TDRD5: variants seen among roughly 807,000 people sequenced by gnomAD.
TDRD5 encodes tudor domain-containing protein 5.
A neutral mutation model predicts 120.6 loss-of-function variants in TDRD5; 41 were observed. The ratio of observed to expected loss-of-function variants is 0.34; its 90% CI spans 0.26 to 0.44. TDRD5 has a LOEUF of 0.44. Among genes scored for constraint, TDRD5 ranks in the 20% least tolerant of loss-of-function variants. TDRD5 has a pLI of 1.00. For synonymous variants in TDRD5, 430 were observed against 433.7 expected, an observed-to-expected ratio of 0.99 and a Z score of 0.11; for missense variants, 1,006 against 1,221.2, an observed-to-expected ratio of 0.82 and a Z score of 2.63.
Position 179,639,858 on chromosome 1 carries a change from C to G in TDRD5, c.1540C>G (p.Leu514Val). ...IEMRRCYSNQ[L>V]VSDRYVMPEC... ...CCACAGGCGCTGTTATTCTAATCAG[C>G]TGGTTTCTGATCGATATGTCATGCC... The change falls in exon 10 of 18, where the codon CTG (leucine) becomes GTG (valine). Residue 514 changes from leucine (L) to valine (V), a missense_variant. Physicochemically the swap from Leu to Val is conservative, Grantham distance 32. Around this residue, in one of 3 missense-constraint regions of TDRD5, gnomAD observed 158 missense variants for 257.5 expected, o/e 0.61. Coordinates refer to ENST00000444136, the MANE Select transcript of TDRD5 (RefSeq NM_001199085.3). 1 of 1,614,052 alleles carries G rather than the reference C, an allele frequency of 6.2e-7. No homozygotes were observed. Among genetic ancestry groups the G allele is most frequent in the African/African-American group, 1.3e-5 (1 of 75,010 alleles).
chr1:179,686,053 G>T (rs866535529), intron 17 of TDRD5, among the ~76,000 whole-genome samples: 134 of 152,154 alleles, frequency 8.8e-4, no homozygotes, highest in African/African-American at 3.1e-3. Flanking sequence ...CTGCCTGATT[G>T]CCCTGGCCAG....
intron 17 of TDRD5, among the ~76,000 whole-genome samples, chr1:179,683,852 G>A (rs1680557751): frequency 6.6e-6 from 1 of 151,986 alleles, no homozygotes; most frequent in Non-Finnish European, 1.5e-5. Flanking sequence ...GCAATGTGTT[G>A]GTTTAGATGC....
chr1:179,672,325 G>T (rs1001821434), intron 17 of TDRD5, among the ~76,000 whole-genome samples: 7 of 152,064 alleles, frequency 4.6e-5, no homozygotes, highest in African/African-American at 1.7e-4. Context: ...AAGTGAGGTG[G>T]TATCACATTG....
chr1:179,663,543 C>T, intron 16 of TDRD5, 52 bp downstream of exon 16: 1 of 1,539,758 alleles, frequency 6.5e-7, no homozygotes. Context: ...GAAGTCCTTT[C>T]ATTTTTAGAA....
chr1:179,595,340 A>G (rs947399417), intron 3 of TDRD5, among the ~76,000 whole-genome samples: 94 of 152,236 alleles, frequency 6.2e-4, no homozygotes, highest in African/African-American at 2.2e-3. Flanking sequence ...CTTTTTACAT[A>G]TTGAATCCCA....
chr1:179,596,127 A>G (rs566500511), intron 4 of TDRD5, among the ~76,000 whole-genome samples: 2 of 152,250 alleles, frequency 1.3e-5, no homozygotes, highest in South Asian at 2.1e-4. Flanking sequence ...TACCTCACAA[A>G]TATCTTCTGA....
chr1:179,676,180 C>G (rs922797768), intron 17 of TDRD5, among the ~76,000 whole-genome samples: 12 of 152,140 alleles, frequency 7.9e-5, no homozygotes, highest in African/African-American at 2.4e-4. Context: ...CTCCTGCTAG[C>G]TTTTGGTGTT....
At chr1:179,680,297 A>G (rs1680354028) in intron 17 of TDRD5, among the ~76,000 whole-genome samples, 1 of 152,224 alleles carries the variant, frequency 6.6e-6, no homozygotes, top group Non-Finnish European at 1.5e-5. Context: ...GTATTTCATA[A>G]TATCAAGTCA....
At chr1:179,627,027 A>AGTC (rs1677166631) in intron 6 of TDRD5, among the ~76,000 whole-genome samples, 1 of 152,224 alleles carries the variant, frequency 6.6e-6, no homozygotes, top group Admixed American at 6.5e-5. Flanking sequence ...TTTAAAGAAA[A>AGTC]ACAGCAAGTG....
intron 3 of TDRD5, 39 bp downstream of exon 3, chr1:179,593,906 T>C (rs6701343): frequency 0.064 from 100,969 of 1,585,742 alleles, 3,740 homozygotes; most frequent in Middle Eastern, 0.076. Context: ...TCATGGCACA[T>C]AGAGGGGTGT....
In TDRD5 at chr1:179,690,910, C is replaced by G; in HGVS notation, c.3075C>G (p.His1025Gln). 1.2e-6 allele frequency: 2 copies of G among 1,613,666 alleles called. No individual in the cohort carries two copies. Among genetic ancestry groups the G allele is most frequent in the Non-Finnish European group, 1.7e-6 (2 of 1,179,894 alleles). ...ARLATSRSLL[H>Q]WYPSVKRMEA ...TAGCTACATCCAGGAGCCTCCTACA[C>G]TGGTACCCCAGTGTGAAAAGGATGG... The change falls in exon 18 of 18, where the codon CAC becomes CAG. Residue 1025 changes from histidine to glutamine, a missense_variant. Transcript: ENST00000444136.
At position 179,650,399 on chromosome 1, in the gene TDRD5, TCAAAAAAAAAAAA is replaced by T. The variant is rs969396235; in HGVS notation, c.1801-467_1801-455del. ...CTGGGCAACAGAGCAAGACTCTGTC[TCAAAAAAAAAAAA>T]AAAAAAAAAAAGTTCAAATTGCCTG... is the stretch of plus-strand genomic sequence containing the variant. On this transcript the variant is annotated intron_variant, in intron 11 of 17. Coordinates refer to ENST00000444136, the MANE Select transcript of TDRD5 (RefSeq NM_001199085.3). 3.3e-4 allele frequency among the ~76,000 whole-genome samples: 15 copies of T among 46,142 alleles called. No individual in the cohort carries two copies. The Admixed American group carries it at 3.9e-3, about 12-fold the overall frequency. The allele number at this position is 46,142 out of a possible 152,430, so 30.3% of individuals were successfully genotyped here.
At chr1:179,595,096 G>A (rs959743041) in intron 3 of TDRD5, among the ~76,000 whole-genome samples, 7 of 151,970 alleles carry the variant, frequency 4.6e-5, no homozygotes, top group Non-Finnish European at 1.0e-4. Context: ...GGTAAAGGAA[G>A]AGCTAGGCTG....
intron 6 of TDRD5, among the ~76,000 whole-genome samples, chr1:179,626,088 A>T (rs1054980076): frequency 2.0e-5 from 3 of 151,746 alleles, no homozygotes; most frequent in Non-Finnish European, 4.4e-5. Flanking sequence ...GGGGAGGGAT[A>T]GCATTGGGAG....
intron 11 of TDRD5, among the ~76,000 whole-genome samples, chr1:179,649,334 T>A (rs1282524073): frequency 6.6e-6 from 1 of 152,154 alleles, no homozygotes; most frequent in Non-Finnish European, 1.5e-5. Flanking sequence ...TCTTCTTATC[T>A]CTGCTGCTTT....
intron 11 of TDRD5, among the ~76,000 whole-genome samples, chr1:179,642,200 A>C (rs1382060808): frequency 1.3e-5 from 2 of 151,644 alleles, no homozygotes; most frequent in Non-Finnish European, 2.9e-5. Flanking sequence ...TCCCTGGTTC[A>C]AGCAATTCTC....
chr1:179,675,472 G>A, intron 17 of TDRD5, among the ~76,000 whole-genome samples: 1 of 149,946 alleles, frequency 6.7e-6, no homozygotes, highest in African/African-American at 2.5e-5. Context: ...GTAGAGACGG[G>A]GTTTCACCGT....
intron 17 of TDRD5, among the ~76,000 whole-genome samples, chr1:179,689,995 C>A (rs763128406): frequency 1.3e-5 from 2 of 152,180 alleles, no homozygotes; most frequent in African/African-American, 4.8e-5. Flanking sequence ...CGACCCCTTG[C>A]GCTTCCCCGG....
At chr1:179,593,991 G>A (rs1440385331) in intron 3 of TDRD5, 124 bp downstream of exon 3, 10 of 1,239,750 alleles carry the variant, frequency 8.1e-6, no homozygotes, top group Middle Eastern at 2.2e-4. Context: ...GGTCTCAGGC[G>A]AACTGTTCAA....
Sources: allele counts gnomAD v4.1 joint callset (sites outside exome capture counted in the v4.1 genomes callset), GRCh38; gene constraint gnomAD v4.1.1; regional missense constraint gnomAD v4.1.1; transcripts MANE v1.5; gene names NCBI Gene and HGNC (gene_info 2026-07-23, HGNC 2026-07-21).